The following DAAM2 variants were observed in gnomAD, a reference collection of about 807,000 sequenced individuals.
DAAM2 encodes the protein disheveled-associated activator of morphogenesis 2.
In DAAM2, 39 loss-of-function variants were observed where a neutral mutation model predicts 120.7. The observed-to-expected ratio is 0.32, with a 90% CI of 0.25 to 0.42. The LOEUF (loss-of-function observed/expected upper bound fraction) is 0.42. Ranked by LOEUF, DAAM2 falls within the 10% of genes least tolerant of loss-of-function variation. The pLI is 1.00. For synonymous variants in DAAM2, 488 were observed against 524.9 expected (o/e 0.93, Z 0.96); for missense variants, 1,283 against 1,401.7 (o/e 0.92, Z 1.35).
chr6:39,834,513 C>T (rs929777146), intron 1 of DAAM2, among the ~76,000 whole-genome samples: 8 of 152,140 alleles, frequency 5.3e-5, no homozygotes, highest in Non-Finnish European at 1.0e-4. Flanking sequence ...AAGCCCTGCC[C>T]TTTTCTGTCT....
intron 1 of DAAM2, among the ~76,000 whole-genome samples, chr6:39,845,081 A>G (rs1208286124): frequency 1.4e-5 from 2 of 146,464 alleles, no homozygotes; most frequent in Non-Finnish European, 3.0e-5. Flanking sequence ...ACACATACAT[A>G]TACAACACAT....
intron 1 of DAAM2, among the ~76,000 whole-genome samples, chr6:39,803,939 G>C (rs749280823): frequency 6.6e-6 from 1 of 152,182 alleles, no homozygotes; most frequent in African/African-American, 2.4e-5. Context: ...AGTGAAAGGG[G>C]CATTAACTGG....
intron 16 of DAAM2, 67 bp downstream of exon 16, chr6:39,887,659 T>A: frequency 9.1e-7 from 1 of 1,094,862 alleles, no homozygotes; most frequent in Non-Finnish European, 1.4e-6. Context: ...AACGGAGTGG[T>A]GGCAGTCTCG....
chr6:39,901,808 C>A lies in DAAM2; in HGVS notation c.2983-5C>A. The A allele has an allele frequency of 6.6e-7, 1 of 1,522,446 alleles. No homozygotes were observed. The highest frequency in any genetic ancestry group is 2.0e-5 in the Admixed American group (1 of 49,008). The allele number at this position is 1,522,446 out of a possible 1,614,324, so 94.3% of individuals were successfully genotyped here. Reference sequence around the variant, plus strand: ...GGGTTCCTATCTTTGGCCCCCCGCCCGCAGCTGAAGGAGCAGAGGGAACGT... The same window carrying A: ...GGGTTCCTATCTTTGGCCCCCCGCCAGCAGCTGAAGGAGCAGAGGGAACGT... On this transcript the variant is annotated splice_polypyrimidine_tract_variant and splice_region_variant and intron_variant, in intron 24 of 24. Transcript: ENST00000274867. The surrounding 1 kb of genome is among the most constrained non-coding windows in gnomAD (Gnocchi z 4.5).
intron 1 of DAAM2, among the ~76,000 whole-genome samples, chr6:39,815,497 C>A (rs764706450): frequency 6.6e-5 from 10 of 152,126 alleles, no homozygotes; most frequent in Non-Finnish European, 1.5e-4. Context: ...CAGCTGTGAG[C>A]CTTCAATGAA....
In DAAM2 at chr6:39,884,052, G is replaced by A. The variant is rs771930785; in HGVS notation, c.1936G>A (p.Ala646Thr). ...DLEDFEKMFS[A>T]YQRHQKELGS... The stretch of plus-strand genomic sequence containing the variant: ...AGAGGATTTTGAAAAGATGTTTTCA[G>A]CCTACCAGAGGCACCAGGTAAGACC... Residue 646 changes from alanine to threonine, a missense_variant, in exon 15 of 25, where the codon GCC (alanine) becomes ACC (threonine). Physicochemically the swap from Ala to Thr is moderately conservative, Grantham distance 58. Around this residue, in one of 3 missense-constraint regions of DAAM2, gnomAD observed 748 missense variants for 768.6 expected, o/e 0.97. Transcript: ENST00000274867. 9 of 1,602,570 alleles carry A rather than the reference G, an allele frequency of 5.6e-6. No homozygotes were observed. Among genetic ancestry groups the A allele is most frequent in the Non-Finnish European group, 7.7e-6 (9 of 1,171,120 alleles).
chr6:39,793,925 C>T (rs988983762), intron 1 of DAAM2, among the ~76,000 whole-genome samples: 2 of 152,160 alleles, frequency 1.3e-5, no homozygotes, highest in African/African-American at 4.8e-5. Context: ...AGGAAGATTA[C>T]TGGACTCTCC....
chr6:39,841,843 G>A (rs959820495), intron 1 of DAAM2, among the ~76,000 whole-genome samples: 5 of 152,164 alleles, frequency 3.3e-5, no homozygotes, highest in African/African-American at 1.2e-4. Flanking sequence ...AAGTCCTGGA[G>A]CCAGAGTCTC....
At chr6:39,895,469 C>T (rs768084722) in intron 19 of DAAM2, among the ~76,000 whole-genome samples, 3 of 152,068 alleles carry the variant, frequency 2.0e-5, no homozygotes, top group Non-Finnish European at 2.9e-5. Flanking sequence ...TGCCTGACCT[C>T]AGGTGATCTG....
chr6:39,902,774 C>A lies in DAAM2; in HGVS notation c.*737C>A, dbSNP rs985158345. On this transcript the variant is annotated 3_prime_UTR_variant, in exon 25 of 25. Coordinates refer to ENST00000274867, the MANE Select transcript of DAAM2 (RefSeq NM_001201427.2). Reference sequence around the variant, plus strand: ...CTAATCCACAGTCCTAGAAGACTCACCTTGGGTTTCCACAGCTATGGCTCA... The same window carrying A: ...CTAATCCACAGTCCTAGAAGACTCAACTTGGGTTTCCACAGCTATGGCTCA... 4 of 152,328 alleles carry A rather than the reference C, an allele frequency of 2.6e-5. No individual in the cohort carries two copies. The highest frequency in any genetic ancestry group is 9.7e-5 in the African/African-American group (4 of 41,438). 9.4% of individuals were successfully genotyped at this position (152,328 alleles called of 1,614,324 possible).
intron 14 of DAAM2, among the ~76,000 whole-genome samples, chr6:39,880,588 G>A (rs1465934629): frequency 2.0e-5 from 3 of 152,176 alleles, no homozygotes; most frequent in African/African-American, 7.2e-5. Flanking sequence ...TTAAGGGTGA[G>A]GTTCTAACCA....
At chr6:39,870,218 A>T in intron 7 of DAAM2, 122 bp from the exon 8 acceptor site, 2 of 649,800 alleles carry the variant, frequency 3.1e-6, no homozygotes, top group Non-Finnish European at 5.6e-6. Flanking sequence ...AAGCAGCTCC[A>T]GGTGAGTTAG....
chr6:39,869,779 T>TAA (rs1764581658), intron 7 of DAAM2, among the ~76,000 whole-genome samples: 1 of 114,392 alleles, frequency 8.7e-6, no homozygotes, highest in Non-Finnish European at 1.9e-5. Context: ...TTTTTTTTTT[T>TAA]TAAAAACAAT....
At position 39,897,585 on chromosome 6, in the gene DAAM2, C is replaced by T. The variant is rs867686055; in HGVS notation, c.2618+303C>T. On this transcript the variant is annotated intron_variant, in intron 21 of 24. Transcript: ENST00000274867. Reference sequence around the variant, plus strand: ...CCAAGACTGGCACCAGGAAGACTCCCAGTATGGGAGACTTACACGATTATT... The same window carrying T: ...CCAAGACTGGCACCAGGAAGACTCCTAGTATGGGAGACTTACACGATTATT... 2.0e-5 allele frequency among the ~76,000 whole-genome samples: 3 copies of T among 152,136 alleles called. 1 individual carries two copies. The highest frequency in any genetic ancestry group is 4.1e-4 in the South Asian group (2 of 4,822).
At chr6:39,824,744 G>A (rs990594237) in intron 1 of DAAM2, among the ~76,000 whole-genome samples, 1 of 152,166 alleles carries the variant, frequency 6.6e-6, no homozygotes, top group African/African-American at 2.4e-5. Flanking sequence ...TTCTCGGCAA[G>A]AGCAGGTTCC....
chr6:39,880,656 C>T (rs192043195), intron 14 of DAAM2, among the ~76,000 whole-genome samples: 17 of 152,268 alleles, frequency 1.1e-4, no homozygotes, highest in Admixed American at 9.2e-4. Context: ...GTCTGTAAGT[C>T]AGTTTGCTCA....
chr6:39,865,058 C>T lies in DAAM2; in HGVS notation c.412C>T (p.Arg138Trp). 1.9e-6 allele frequency: 3 copies of T among 1,570,780 alleles called. No homozygotes were observed. Among genetic ancestry groups the T allele is most frequent in the South Asian group, 2.3e-5 (2 of 87,616 alleles). The change falls in exon 5 of 25, where the codon CGG becomes TGG. Residue 138 changes from arginine (R) to tryptophan (W), a missense_variant. Physicochemically the swap from Arg to Trp is moderately radical, Grantham distance 101. Coordinates refer to ENST00000274867, the MANE Select transcript of DAAM2 (RefSeq NM_001201427.2). ...CGTGGAAGACCTGAAGACAGCCCTC[C>T]GGACACAGCCTATGAGGTAATTCAG... ...QVVEDLKTAL[R>W]TQPMRFVTRF...
At chr6:39,808,873 C>T (rs1035733498) in intron 1 of DAAM2, among the ~76,000 whole-genome samples, 5 of 152,184 alleles carry the variant, frequency 3.3e-5, no homozygotes, top group African/African-American at 7.2e-5. Context: ...ATTTATACAT[C>T]GTGTAATTCA....
At chr6:39,879,032 A>G (rs1029084617) in intron 13 of DAAM2, 146 bp from the exon 14 acceptor site, 1 of 616,378 alleles carries the variant, frequency 1.6e-6, no homozygotes. Flanking sequence ...CAGAGAGAGA[A>G]AATGGGGCCA....
Sources: allele counts gnomAD v4.1 joint callset (sites outside exome capture counted in the v4.1 genomes callset), GRCh38; gene constraint gnomAD v4.1.1; regional missense constraint gnomAD v4.1.1; non-coding constraint Gnocchi (gnomAD v3.1); transcripts MANE v1.5; gene names NCBI Gene and HGNC (gene_info 2026-07-23, HGNC 2026-07-21).